The following FNDC3B variants were observed in gnomAD, a reference collection of about 807,000 sequenced individuals.
FNDC3B encodes the protein fibronectin type III domain-containing protein 3B.
Under a neutral mutation model 151.5 loss-of-function variants are expected in FNDC3B, and 12 were observed. The ratio of observed to expected loss-of-function variants is 0.08; its 90% CI spans 0.05 to 0.13. The LOEUF (loss-of-function observed/expected upper bound fraction) is 0.13, where lower values mean the gene tolerates loss of function less well. Ranked by LOEUF, FNDC3B falls within the 10% of genes least tolerant of loss-of-function variation. The pLI is 1.00. For missense variants in FNDC3B, 1,214 were observed against 1,505.3 expected (o/e 0.81, Z 3.20); for synonymous variants, 528 against 549.0 (o/e 0.96, Z 0.54).
At chr3:172,271,650 G>C (rs1560050525) in intron 6 of FNDC3B, among the ~76,000 whole-genome samples, 1 of 152,216 alleles carries the variant, frequency 6.6e-6, no homozygotes, top group Non-Finnish European at 1.5e-5. Flanking sequence ...GGCTCTGCCA[G>C]CTGGGGCTGC....
chr3:172,350,330 T>C (rs1560094282), intron 21 of FNDC3B, among the ~76,000 whole-genome samples: 1 of 152,184 alleles, frequency 6.6e-6, no homozygotes, highest in East Asian at 1.9e-4. Flanking sequence ...TGTTAAATGA[T>C]GGAATCAAGG....
intron 3 of FNDC3B, among the ~76,000 whole-genome samples, chr3:172,194,706 T>C (rs767867588): frequency 2.0e-5 from 3 of 152,158 alleles, no homozygotes; most frequent in Non-Finnish European, 4.4e-5. Context: ...CACTGAAGAG[T>C]CATATAAGTA....
intron 1 of FNDC3B, among the ~76,000 whole-genome samples, chr3:172,084,649 A>G (rs763983166): frequency 6.6e-6 from 1 of 152,240 alleles, no homozygotes; most frequent in South Asian, 2.1e-4. Flanking sequence ...AGGCAACAGT[A>G]TCTTTATTTT....
At chr3:172,181,405 A>AAAAAAC (rs1723889105) in intron 3 of FNDC3B, among the ~76,000 whole-genome samples, 1 of 146,092 alleles carries the variant, frequency 6.8e-6, no homozygotes, top group African/African-American at 2.5e-5. Flanking sequence ...CAAAAAAAAA[A>AAAAAAC]AAAAAAAAAC....
At chr3:172,233,363 T>C (rs1325145656) in intron 4 of FNDC3B, among the ~76,000 whole-genome samples, 2 of 152,204 alleles carry the variant, frequency 1.3e-5, no homozygotes, top group Non-Finnish European at 2.9e-5. Context: ...AAATACCGCA[T>C]TGGATTATTT....
chr3:172,069,942 A>G (rs1004101894), intron 1 of FNDC3B, among the ~76,000 whole-genome samples: 12 of 152,174 alleles, frequency 7.9e-5, no homozygotes, highest in Non-Finnish European at 1.5e-4. Context: ...CACAGTGACT[A>G]TTATCCCAGT....
chr3:172,240,152 T>C (rs1727422944), intron 4 of FNDC3B, among the ~76,000 whole-genome samples: 1 of 152,170 alleles, frequency 6.6e-6, no homozygotes, highest in African/African-American at 2.4e-5. Flanking sequence ...ATTACAGGCG[T>C]GAGCCACCGC....
rs114502888 is a variant in FNDC3B, at chr3:172,318,650, A to G, written c.1254+7769A>G. Among the ~76,000 whole-genome samples, 985 of 152,228 alleles carry G rather than the reference A, an allele frequency of 6.5e-3. 6 individuals are homozygous for G. Among genetic ancestry groups the G allele is most frequent in the Non-Finnish European group, 0.011 (731 of 67,998 alleles). On this transcript the variant is annotated intron_variant, in intron 11 of 25. Coordinates refer to ENST00000415807, the MANE Select transcript of FNDC3B (RefSeq NM_022763.4). ...AGAATTTGCTTGACTCCAGCTCTCT[A>G]AGGTGCCACACTGCCTTAGGGTGGA...
intron 3 of FNDC3B, among the ~76,000 whole-genome samples, chr3:172,189,243 C>T (rs947097442): frequency 2.0e-5 from 3 of 152,072 alleles, no homozygotes; most frequent in African/African-American, 7.2e-5. Context: ...AATGTTCAGT[C>T]AAAATATTGT....
At chr3:172,046,336 C>CT (rs1227649058) in intron 1 of FNDC3B, among the ~76,000 whole-genome samples, 1 of 151,842 alleles carries the variant, frequency 6.6e-6, no homozygotes, top group African/African-American at 2.4e-5. Context: ...AATTTTTTTT[C>CT]TTTTTCTTTT....
At chr3:172,328,902 G>GT (rs752947196) in intron 11 of FNDC3B, 50 bp from the exon 12 acceptor site, 66 of 1,279,184 alleles carry the variant, frequency 5.2e-5, no homozygotes, top group South Asian at 3.8e-4. Flanking sequence ...AGGGTTATCT[G>GT]TTGTTTTTTT....
chr3:172,120,754 C>T (rs1467061725), intron 2 of FNDC3B, among the ~76,000 whole-genome samples: 1 of 152,128 alleles, frequency 6.6e-6, no homozygotes, highest in Non-Finnish European at 1.5e-5. Flanking sequence ...GCGGGTGGAT[C>T]ACCTGAGGTC....
intron 6 of FNDC3B, among the ~76,000 whole-genome samples, chr3:172,276,681 C>T (rs965387156): frequency 1.3e-5 from 2 of 152,174 alleles, no homozygotes; most frequent in African/African-American, 4.8e-5. Flanking sequence ...TGCATGTTCT[C>T]ATGTCATACG....
chr3:172,358,514 C>A (rs1195389905), intron 22 of FNDC3B, among the ~76,000 whole-genome samples: 1 of 152,202 alleles, frequency 6.6e-6, no homozygotes, highest in African/African-American at 2.4e-5. Context: ...TTGCTGAGTC[C>A]TTGGCCATTA....
rs200014141 is a variant in FNDC3B at position 172,251,481 on chromosome 3, A to G, written c.730A>G (p.Ile244Val). The change falls in exon 6 of 26, where the codon ATT (isoleucine) becomes GTT (valine). Residue 244 changes from isoleucine (I) to valine (V), a missense_variant. Ile to Val is a conservative substitution (Grantham distance 29, BLOSUM62 3). This residue lies in a region of FNDC3B where 166 missense variants were observed against 173.2 expected (regional missense o/e 0.96). Transcript: ENST00000415807. ...AGGCGGCAGCGGTAGTGGTCCCGGA[A>G]TTAAGAAAACAGAGCGACGAGCAAG... ...GGGGSGSGPG[I>V]KKTERRARSS... 18 of 1,614,002 alleles carry G rather than the reference A, an allele frequency of 1.1e-5. No homozygotes were observed. The highest frequency in any genetic ancestry group is 1.6e-4 in the Middle Eastern group (1 of 6,082).
At chr3:172,046,487 T>G (rs1284175500) in intron 1 of FNDC3B, among the ~76,000 whole-genome samples, 3 of 136,976 alleles carry the variant, frequency 2.2e-5, no homozygotes, top group Non-Finnish European at 4.6e-5. Context: ...CTGGCTAATG[T>G]TTTTTTTTTT....
chr3:172,397,002 G>A (rs1034501722), intron 25 of FNDC3B, among the ~76,000 whole-genome samples, 162 bp from the exon 26 acceptor site: 3 of 152,164 alleles, frequency 2.0e-5, no homozygotes, highest in Non-Finnish European at 4.4e-5. Flanking sequence ...CCTTTTTATG[G>A]TTGGAATACA....
chr3:172,143,924 TA>T (rs1721770341), intron 3 of FNDC3B, among the ~76,000 whole-genome samples: 1 of 146,178 alleles, frequency 6.8e-6, no homozygotes, highest in Non-Finnish European at 1.5e-5. Context: ...AATAAATAAA[TA>T]AATAAATAAA....
intron 3 of FNDC3B, among the ~76,000 whole-genome samples, chr3:172,226,349 A>T (rs1726579491): frequency 6.6e-6 from 1 of 151,616 alleles, no homozygotes; most frequent in Non-Finnish European, 1.5e-5. Flanking sequence ...TGCCTTATTC[A>T]GTTGGTTTGG....
Sources: allele counts gnomAD v4.1 joint callset (sites outside exome capture counted in the v4.1 genomes callset), GRCh38; gene constraint gnomAD v4.1.1; regional missense constraint gnomAD v4.1.1; transcripts MANE v1.5; gene names NCBI Gene and HGNC (gene_info 2026-07-23, HGNC 2026-07-21).